Variants in ADCY5 observed in about 807,000 individuals in gnomAD.
ADCY5 encodes the protein adenylate cyclase type 5.
ADCY5 carries 30 observed loss-of-function variants against 119.7 expected under a neutral mutation model. The observed-to-expected ratio is 0.25, with a 90% CI of 0.19 to 0.34. ADCY5 has a LOEUF of 0.34. Among genes scored for constraint, ADCY5 ranks in the 10% least tolerant of loss-of-function variants. ADCY5 has a pLI of 1.00. For synonymous variants in ADCY5, 753 were observed against 762.2 expected, an observed-to-expected ratio of 0.99 and a Z score of 0.20; for missense variants, 1,324 against 1,775.2, an observed-to-expected ratio of 0.75 and a Z score of 4.57.
At chr3:123,293,573 A>G (rs1474959371) in intron 17 of ADCY5, among the ~76,000 whole-genome samples, 1 of 148,044 alleles carries the variant, frequency 6.8e-6, no homozygotes, top group Non-Finnish European at 1.5e-5. Flanking sequence ...GTGTGCACAC[A>G]GGTGAGGAGG....
rs769437461 is a variant in ADCY5, at chr3:123,418,530, C to G, written c.1134+28882G>C. On this transcript the variant is annotated intron_variant, in intron 1 of 20. Transcript: ENST00000462833. ...GCAAAGATCAAAGGGGAAGCAGATA[C>G]GTGTGAAGGAACAAAACCTATGGGC... 5.3e-5 allele frequency among the ~76,000 whole-genome samples: 8 copies of G among 152,276 alleles called. No homozygotes were observed. The East Asian group carries it at 1.5e-3, about 29-fold the overall frequency.
chr3:123,412,227 A>G (rs1301452850), intron 1 of ADCY5, among the ~76,000 whole-genome samples: 2 of 152,216 alleles, frequency 1.3e-5, no homozygotes, highest in African/African-American at 2.4e-5. Context: ...CTCTCTAGCC[A>G]TGGCCTGGGG....
At chr3:123,317,977 C>G in intron 11 of ADCY5, 43 bp downstream of exon 11, 1 of 1,565,586 alleles carries the variant, frequency 6.4e-7, no homozygotes, top group Non-Finnish European at 8.8e-7. Flanking sequence ...CTGGGATTCC[C>G]TGCAGCCAGA....
chr3:123,396,527 GAAAGA>G (rs1944573663), intron 1 of ADCY5, among the ~76,000 whole-genome samples: 1 of 101,210 alleles, frequency 9.9e-6, no homozygotes, highest in South Asian at 3.4e-4. Flanking sequence ...AAGAGAGAGA[GAAAGA>G]AAAGAAAGAA....
At position 123,348,448 on chromosome 3, in the gene ADCY5, C is replaced by T. The variant is rs144104540; in HGVS notation, c.1285-545G>A. ...CAAGGTTCCTCCTTCAGAAAGCTTC[C>T]GGTGTCATGGGGGTCTGGGGTGCCA... On this transcript the variant is annotated intron_variant, in intron 2 of 20. Coordinates refer to ENST00000462833, the MANE Select transcript of ADCY5 (RefSeq NM_183357.3). 3.4e-3 allele frequency among the ~76,000 whole-genome samples: 520 copies of T among 152,228 alleles called. 5 individuals carry two copies. Among genetic ancestry groups the T allele is most frequent in the African/African-American group, 0.01 (427 of 41,526 alleles).
intron 1 of ADCY5, among the ~76,000 whole-genome samples, chr3:123,433,465 G>T (rs1576694295): frequency 6.6e-6 from 1 of 152,208 alleles, no homozygotes; most frequent in East Asian, 1.9e-4. Context: ...ATCCCCAAAA[G>T]AAAATGTAAA....
chr3:123,416,019 G>C (rs886512736), intron 1 of ADCY5, among the ~76,000 whole-genome samples: 2 of 152,146 alleles, frequency 1.3e-5, no homozygotes, highest in African/African-American at 2.4e-5. Context: ...TTTCTACTTT[G>C]AATGTTCCAT....
At position 123,298,830 on chromosome 3, in the gene ADCY5, C is replaced by CTTTTTTTTTTTTTTTTTT. The variant is rs35856404; in HGVS notation, c.2900+1289_2900+1290insAAAAAAAAAAAAAAAAAA. ...TTTCTCAGGGGACACAAAACTGTCA[C>CTTTTTTTTTTTTTTTTTT]TTTTTTTTTTTTTTTTGCACTTCTT... On this transcript the variant is annotated intron_variant, in intron 15 of 20. Coordinates refer to ENST00000462833, the MANE Select transcript of ADCY5 (RefSeq NM_183357.3). Among the ~76,000 whole-genome samples the CTTTTTTTTTTTTTTTTTT allele has an allele frequency of 1.5e-4, 15 of 102,518 alleles. 1 individual carries two copies. Among genetic ancestry groups the CTTTTTTTTTTTTTTTTTT allele is most frequent in the Admixed American group, 2.4e-4 (2 of 8,432 alleles). 67.3% of individuals were successfully genotyped at this position (102,518 alleles called of 152,430 possible).
At chr3:123,436,549 T>C (rs1945621833) in intron 1 of ADCY5, among the ~76,000 whole-genome samples, 1 of 151,686 alleles carries the variant, frequency 6.6e-6, no homozygotes, top group South Asian at 2.1e-4. Context: ...CTACTAAAAA[T>C]ACAAAAATTA....
Position 123,352,891 on chromosome 3 carries a change from C to T in ADCY5, c.1135-310G>A, listed in dbSNP as rs1005474893. Among the ~76,000 whole-genome samples the T allele has an allele frequency of 2.0e-5, 3 of 152,132 alleles. No individual in the cohort carries two copies. The highest frequency in any genetic ancestry group is 6.5e-5 in the Admixed American group (1 of 15,278). ...AAAGGCTACATGTACTGTGACAGAG[C>T]TGTGTGTGTGCTCGGGGCAGGAGGG... is the stretch of plus-strand genomic sequence containing the variant. On this transcript the variant is annotated intron_variant, in intron 1 of 20. Transcript: ENST00000462833. The surrounding 1 kb of genome is among the most constrained non-coding windows in gnomAD (Gnocchi z 4.8).
chr3:123,413,322 G>A (rs1945103954), intron 1 of ADCY5, among the ~76,000 whole-genome samples: 1 of 152,218 alleles, frequency 6.6e-6, no homozygotes, highest in Admixed American at 6.5e-5. Flanking sequence ...TCCCTGACCA[G>A]AGAGATGGCT....
chr3:123,310,863 G>A (rs1940532014), intron 12 of ADCY5, among the ~76,000 whole-genome samples: 1 of 152,102 alleles, frequency 6.6e-6, no homozygotes, highest in Non-Finnish European at 1.5e-5. Context: ...AGAAATCCAG[G>A]GGAGTGTGTG....
At chr3:123,295,697 C>T (rs1299759798) in intron 17 of ADCY5, among the ~76,000 whole-genome samples, 1 of 152,180 alleles carries the variant, frequency 6.6e-6, no homozygotes, top group Non-Finnish European at 1.5e-5. Flanking sequence ...ACTCTTCCTT[C>T]CCCCGTCCCA....
At chr3:123,362,262 T>G (rs915321427) in intron 1 of ADCY5, among the ~76,000 whole-genome samples, 4 of 152,198 alleles carry the variant, frequency 2.6e-5, no homozygotes, top group Non-Finnish European at 4.4e-5. Context: ...TGCACCACCT[T>G]ACATCCCCGC....
At chr3:123,348,526 G>A (rs1302915098) in intron 2 of ADCY5, among the ~76,000 whole-genome samples, 1 of 152,172 alleles carries the variant, frequency 6.6e-6, no homozygotes, top group Non-Finnish European at 1.5e-5. Context: ...AGTCAGAGAC[G>A]GCTTCCTGGA....
chr3:123,283,580 T>A lies in ADCY5; in HGVS notation c.*1028A>T, dbSNP rs1334982808. ...CCCCAAAAGCACACACCCACTGCTC[T>A]GGTGGTACCTTGGAAAACCCAAAAC... On this transcript the variant is annotated 3_prime_UTR_variant, in exon 21 of 21. Coordinates refer to ENST00000462833, the MANE Select transcript of ADCY5 (RefSeq NM_183357.3). The A allele has an allele frequency of 6.6e-6, 1 of 152,182 alleles. No homozygotes were observed. Among genetic ancestry groups the A allele is most frequent in the Non-Finnish European group, 1.5e-5 (1 of 68,054 alleles). The allele number at this position is 152,182 out of a possible 1,614,324, so 9.4% of individuals were successfully genotyped here.
intron 8 of ADCY5, 99 bp downstream of exon 8, chr3:123,325,223 T>C (rs1324756904): frequency 1.4e-6 from 2 of 1,454,034 alleles, no homozygotes; most frequent in Non-Finnish European, 1.9e-6. Context: ...CTCCCCAGAT[T>C]CCCTTGGGCA....
intron 1 of ADCY5, among the ~76,000 whole-genome samples, chr3:123,377,062 C>T (rs1042496061): frequency 1.3e-5 from 2 of 152,216 alleles, no homozygotes; most frequent in African/African-American, 4.8e-5. Context: ...GCCACACACA[C>T]ACACCTGTCC....
chr3:123,426,907 G>A (rs1945427291), intron 1 of ADCY5, among the ~76,000 whole-genome samples: 1 of 152,140 alleles, frequency 6.6e-6, no homozygotes, highest in Non-Finnish European at 1.5e-5. Flanking sequence ...GATGAAGGCA[G>A]AGCCCTGGGA....
Sources: gnomAD v4.1 joint callset for allele counts (sites outside exome capture counted in the v4.1 genomes callset) on GRCh38, gnomAD v4.1.1 for gene constraint, Gnocchi (gnomAD v3.1) non-coding constraint, MANE v1.5 for transcripts, NCBI Gene and HGNC (gene_info 2026-07-23, HGNC 2026-07-21) for gene names.